R3HCC1L: variants seen among roughly 807,000 people sequenced by gnomAD.
R3HCC1L encodes coiled-coil domain-containing protein R3HCC1L.
Under a neutral mutation model 59.9 loss-of-function variants are expected in R3HCC1L, and 51 were observed. The ratio of observed to expected loss-of-function variants is 0.85; its 90% CI spans 0.68 to 1.07. The LOEUF (loss-of-function observed/expected upper bound fraction) is 1.07. R3HCC1L is among the 50% of genes least tolerant of loss of function. The probability of loss-of-function intolerance (pLI) is 0.00; values close to 1 mark genes in which losing one functional copy is unlikely to be tolerated. For synonymous variants in R3HCC1L, 322 were observed against 315.2 expected, an observed-to-expected ratio of 1.02 and a Z score of -0.23; for missense variants, 965 against 933.0, an observed-to-expected ratio of 1.03 and a Z score of -0.45.
At chr10:98,149,547 A>G (rs1011892975) in intron 1 of R3HCC1L, among the ~76,000 whole-genome samples, 2 of 152,084 alleles carry the variant, frequency 1.3e-5, no homozygotes, top group African/African-American at 4.8e-5. Context: ...TTACAGTTCC[A>G]TTTTTAGTTG....
intron 5 of R3HCC1L, 39 bp from the exon 6 acceptor site, chr10:98,231,473 T>G: frequency 6.4e-7 from 1 of 1,570,926 alleles, no homozygotes; most frequent in Non-Finnish European, 8.7e-7. Context: ...ATAACCAGGT[T>G]TAATGTAACC....
In R3HCC1L at chr10:98,208,839, A is replaced by G. The variant is rs768774820; in HGVS notation, c.725A>G (p.Asp242Gly). ...ATTGTACCAATAAAACTAAGCTCTG[A>G]TTCTGAAATTGTACAACAAAGCATG... ...NMIVPIKLSS[D>G]SEIVQQSMQT... is the part of the protein sequence containing the mutation. Residue 242 changes from aspartate (D) to glycine (G), a missense_variant, in exon 5 of 10, where the codon GAT becomes GGT. Coordinates refer to ENST00000298999, the MANE Select transcript of R3HCC1L (RefSeq NM_001351015.2). 1.4e-5 allele frequency: 23 copies of G among 1,614,138 alleles called. No individual in the cohort carries two copies. The highest frequency in any genetic ancestry group is 3.3e-4 in the Middle Eastern group (2 of 6,060).
chr10:98,157,293 T>C (rs1846975062), intron 2 of R3HCC1L, among the ~76,000 whole-genome samples: 2 of 152,170 alleles, frequency 1.3e-5, no homozygotes, highest in South Asian at 4.2e-4. Context: ...ATAGAACAGT[T>C]GGCATTTTTC....
In R3HCC1L at chr10:98,209,567, AC is replaced by A; in HGVS notation, c.1454del (p.Thr485IlefsTer10). 6.2e-7 allele frequency: 1 copy of A among 1,613,914 alleles called. No individual in the cohort carries two copies. The highest frequency in any genetic ancestry group is 8.5e-7 in the Non-Finnish European group (1 of 1,179,962). On this transcript the variant is annotated frameshift_variant, in exon 5 of 10. Coordinates refer to ENST00000298999, the MANE Select transcript of R3HCC1L (RefSeq NM_001351015.2). LOFTEE classifies it high-confidence loss of function. ...AAAGATTGCTGGTAGTAATTATAAC[AC>A]TTTTTTGGACTCTGAACTCAGTATG... ...IKKIAGSNYNTFLDSELSMLN... is the reference protein window; with the variant it reads ...IKKIAGSNYNXFLDSELSMLN...
In R3HCC1L at chr10:98,209,261, A is replaced by G. The variant is rs373436697; in HGVS notation, c.1147A>G (p.Met383Val). 5.4e-5 allele frequency: 87 copies of G among 1,613,112 alleles called. No individual in the cohort carries two copies. In the South Asian group the frequency reaches 7.9e-4, roughly 15 times the overall value. Reference sequence around the variant, plus strand: ...AGCATGTATGATGGACACTACAGGTATGTCCTGTAGTGATCATGTAACTGT... The same window carrying G: ...AGCATGTATGATGGACACTACAGGTGTGTCCTGTAGTGATCATGTAACTGT... The part of the protein sequence containing the change: ...NKACMMDTTG[M>V]SCSDHVTVDS... The change falls in exon 5 of 10, where the codon ATG (methionine) becomes GTG (valine). Residue 383 changes from methionine (M) to valine (V), a missense_variant. Physicochemically the swap from Met to Val is conservative, Grantham distance 21. Transcript: ENST00000298999.
At chr10:98,236,249 T>C in intron 9 of R3HCC1L, 85 bp downstream of exon 9, 1 of 1,507,940 alleles carries the variant, frequency 6.6e-7, no homozygotes, top group Non-Finnish European at 8.9e-7. Context: ...ATGAAGCCCA[T>C]TCCATTTTTG....
rs1855795386 is a variant in R3HCC1L, at chr10:98,227,493, G to A, written c.1786-4019G>A. Among the ~76,000 whole-genome samples the A allele has an allele frequency of 2.6e-5, 4 of 151,804 alleles. No homozygotes were observed. In the South Asian group the frequency reaches 8.3e-4, roughly 32 times the overall value. ...CCAGAGAAAGCTTGAAGGGACCTGG[G>A]TGAACTTTTGATTAACAGAGAGAGA... On this transcript the variant is annotated intron_variant, in intron 5 of 9. Transcript: ENST00000298999.
intron 5 of R3HCC1L, among the ~76,000 whole-genome samples, chr10:98,216,988 T>C (rs1355142560): frequency 6.6e-6 from 1 of 152,212 alleles, no homozygotes; most frequent in African/African-American, 2.4e-5. Context: ...CAAGATAATA[T>C]GTTCAGTGGG....
chr10:98,161,357 G>T (rs1847397753), intron 2 of R3HCC1L, among the ~76,000 whole-genome samples: 2 of 152,138 alleles, frequency 1.3e-5, no homozygotes, highest in South Asian at 4.1e-4. Flanking sequence ...TTTTCCATCA[G>T]GTTTTTGGTC....
At chr10:98,138,405 C>A (rs1329162913) in intron 1 of R3HCC1L, among the ~76,000 whole-genome samples, 1 of 152,096 alleles carries the variant, frequency 6.6e-6, no homozygotes, top group Non-Finnish European at 1.5e-5. Context: ...ATCTTAAACA[C>A]TTTTGGCTGG....
chr10:98,229,115 T>G (rs2135581771), intron 5 of R3HCC1L, among the ~76,000 whole-genome samples: 1 of 152,304 alleles, frequency 6.6e-6, no homozygotes, highest in South Asian at 2.1e-4. Flanking sequence ...TTTCCAGTTC[T>G]GTGAAGAAAG....
rs768216548 is a variant in R3HCC1L at position 98,231,552 on chromosome 10, C to G, written c.1826C>G (p.Pro609Arg). 10 of 1,613,244 alleles carry G rather than the reference C, an allele frequency of 6.2e-6. No individual in the cohort carries two copies. The highest frequency in any genetic ancestry group is 1.6e-4 in the Middle Eastern group (1 of 6,072). Residue 609 changes from proline to arginine, a missense_variant, in exon 6 of 10, where the codon CCT becomes CGT. By Grantham distance (103) the Pro-to-Arg change is moderately radical. Coordinates refer to ENST00000298999, the MANE Select transcript of R3HCC1L (RefSeq NM_001351015.2). ...AAGAGCAGAGAGAGCATCCAGGAAC[C>G]TAGATCTGATTACTACAATCATGAA... is the stretch of plus-strand genomic sequence containing the variant. ...NTKSRESIQE[P>R]RSDYYNHEVP...
At position 98,208,997 on chromosome 10, in the gene R3HCC1L, A is replaced by G; in HGVS notation, c.883A>G (p.Ser295Gly). 1 of 1,613,996 alleles carries G rather than the reference A, an allele frequency of 6.2e-7. No homozygotes were observed. Among genetic ancestry groups the G allele is most frequent in the Non-Finnish European group, 8.5e-7 (1 of 1,179,904 alleles). The change falls in exon 5 of 10, where the codon AGT (serine) becomes GGT (glycine). Residue 295 changes from serine to glycine, a missense_variant. Ser to Gly is a moderately conservative substitution (Grantham distance 56). Coordinates refer to ENST00000298999, the MANE Select transcript of R3HCC1L (RefSeq NM_001351015.2). ...TGAGAGTGTAGGTGGTATAGCCAAT[A>G]GTACAGGTTTCATCTTAGATCAAAA... ...EVESVGGIANSTGFILDQKDT... is the reference protein window; with the variant it reads ...EVESVGGIANGTGFILDQKDT...
Position 98,218,618 on chromosome 10 carries a change from A to T in R3HCC1L, c.1785+8719A>T, listed in dbSNP as rs1165136958. On this transcript the variant is annotated intron_variant, in intron 5 of 9. Transcript: ENST00000298999. ...CTTTTCTAATTCTTCGAGGTGCTTC[A>T]TTAGGTTGTGCTGATGAGAATGTAT... is the stretch of plus-strand genomic sequence containing the variant. Among the ~76,000 whole-genome samples, 3 of 152,074 alleles carry T rather than the reference A, an allele frequency of 2.0e-5. No individual in the cohort carries two copies. The East Asian group carries it at 5.8e-4, about 29-fold the overall frequency.
Position 98,209,279 on chromosome 10 carries a change from G to C in R3HCC1L, c.1165G>C (p.Val389Leu), listed in dbSNP as rs757543768. 4 of 1,613,936 alleles carry C rather than the reference G, an allele frequency of 2.5e-6. No individual in the cohort carries two copies. The East Asian group carries it at 6.7e-5, about 27-fold the overall frequency. Residue 389 changes from valine to leucine, a missense_variant, in exon 5 of 10, where the codon GTA becomes CTA. Coordinates refer to ENST00000298999, the MANE Select transcript of R3HCC1L (RefSeq NM_001351015.2). ...TACAGGTATGTCCTGTAGTGATCAT[G>C]TAACTGTTGATAGCCCTTATGTAGT... ...DTTGMSCSDH[V>L]TVDSPYVVAV...
At chr10:98,220,384 A>G (rs1456682135) in intron 5 of R3HCC1L, among the ~76,000 whole-genome samples, 1 of 114,040 alleles carries the variant, frequency 8.8e-6, no homozygotes, top group Non-Finnish European at 1.9e-5. Context: ...TTTTTTTCCC[A>G]TCTTTTTTTT....
At chr10:98,198,960 G>A (rs1289239520) in intron 4 of R3HCC1L, among the ~76,000 whole-genome samples, 1 of 152,046 alleles carries the variant, frequency 6.6e-6, no homozygotes, top group Admixed American at 6.6e-5. Flanking sequence ...ATAAACAAAT[G>A]AAGTTAATTT....
At chr10:98,152,724 G>A (rs1466059472) in intron 1 of R3HCC1L, among the ~76,000 whole-genome samples, 1 of 85,886 alleles carries the variant, frequency 1.2e-5, no homozygotes, top group Non-Finnish European at 2.9e-5. Flanking sequence ...GGGCCGCCCC[G>A]TCTGAGAAGT....
intron 5 of R3HCC1L, among the ~76,000 whole-genome samples, chr10:98,213,921 C>T (rs1853873549): frequency 1.3e-5 from 2 of 152,062 alleles, no homozygotes; most frequent in South Asian, 4.1e-4. Context: ...CTAATGCAGT[C>T]AGTTGGGACA....
Sources: gnomAD v4.1 joint callset for allele counts (sites outside exome capture counted in the v4.1 genomes callset) on GRCh38, gnomAD v4.1.1 for gene constraint, MANE v1.5 for transcripts, NCBI Gene and HGNC (gene_info 2026-07-23, HGNC 2026-07-21) for gene names.